RIC3: variants seen among roughly 807,000 people sequenced by gnomAD.
RIC3 encodes protein RIC-3.
In RIC3, 28 loss-of-function variants were observed where a neutral mutation model predicts 27.3. That is an observed-to-expected ratio of 1.02 (90% CI 0.76 to 1.41). RIC3 has a LOEUF of 1.41. Among genes scored for constraint, RIC3 ranks in the 40% most tolerant of loss-of-function variants. RIC3 has a pLI of 0.00. For synonymous variants in RIC3, 184 were observed against 160.4 expected, an observed-to-expected ratio of 1.15 and a Z score of -1.11; for missense variants, 501 against 444.7, an observed-to-expected ratio of 1.13 and a Z score of -1.14.
the RIC3 span, among the ~76,000 whole-genome samples, chr11:8,099,822 G>C: frequency 1.3e-5 from 2 of 152,198 alleles, no homozygotes; most frequent in Admixed American, 6.5e-5. Context: ...AGCAGTGTAC[G>C]TGTCTAGGGG....
At chr11:8,101,717 C>T (rs111814239), downstream of RIC3, 70 of 1,484,818 alleles carry the variant, frequency 4.7e-5, no homozygotes, top group African/African-American at 3.2e-4. Flanking sequence ...ATAGGCCTTC[C>T]GCCAGATGAA....
At chr11:8,154,208 T>C (rs1184382719) in intron 1 of RIC3, among the ~76,000 whole-genome samples, 1 of 152,196 alleles carries the variant, frequency 6.6e-6, no homozygotes, top group Non-Finnish European at 1.5e-5. Flanking sequence ...CTGAAGTCCC[T>C]TGTGTACTTT....
chr11:8,147,536 G>T (rs1239724042), intron 1 of RIC3, among the ~76,000 whole-genome samples: 1 of 152,120 alleles, frequency 6.6e-6, no homozygotes, highest in Non-Finnish European at 1.5e-5. Flanking sequence ...GCAATTTCAA[G>T]ATACGGCAAA....
At position 8,132,418 on chromosome 11, in the gene RIC3, A is replaced by T. The variant is rs866102730; in HGVS notation, c.521+4960T>A. On this transcript the variant is annotated intron_variant, in intron 4 of 5. Coordinates refer to ENST00000309737, the MANE Select transcript of RIC3 (RefSeq NM_001206671.4). ...AAATATGTGTGTGTTGTGGGGGAAGAGAGGACCAAAATCGTAAGGACAGAA... is the reference window on the plus strand; with the variant it reads ...AAATATGTGTGTGTTGTGGGGGAAGTGAGGACCAAAATCGTAAGGACAGAA... 5.3e-5 allele frequency among the ~76,000 whole-genome samples: 8 copies of T among 152,216 alleles called. No homozygotes were observed. In the South Asian group the frequency reaches 1.7e-3, roughly 32 times the overall value.
the RIC3 span, among the ~76,000 whole-genome samples, chr11:8,098,297 A>T: frequency 2.8e-3 from 424 of 152,234 alleles, no homozygotes; most frequent in African/African-American, 9.7e-3. Flanking sequence ...GGAACTGAGT[A>T]CCAGATTTGG....
At chr11:8,141,760 T>G (rs1459012750) in intron 1 of RIC3, among the ~76,000 whole-genome samples, 1 of 152,148 alleles carries the variant, frequency 6.6e-6, no homozygotes, top group Non-Finnish European at 1.5e-5. Context: ...TATTCCAAAA[T>G]TGACCACATA....
chr11:8,105,864 C>CGCAACTTA (rs1280402302), downstream of RIC3: 2 of 152,254 alleles, frequency 1.3e-5, no homozygotes, highest in Non-Finnish European at 2.9e-5. Context: ...TTTCCTAGAA[C>CGCAACTTA]GCAACTTAGG....
rs577071525 is a variant in RIC3, at chr11:8,121,171, A to G, written c.670+5488T>C. Among the ~76,000 whole-genome samples, 104 of 152,352 alleles carry G rather than the reference A, an allele frequency of 6.8e-4. 1 individual carries two copies. The highest frequency in any genetic ancestry group is 3.4e-3 in the Middle Eastern group (1 of 294). On this transcript the variant is annotated intron_variant, in intron 5 of 5. Transcript: ENST00000309737. ...ATGACACTTAAAACAGAAAAGGTTA[A>G]TATCTTTAAAAATTAATATCACTTG...
rs374566630 is a variant in RIC3 at position 8,132,523 on chromosome 11, G to A, written c.521+4855C>T. Among the ~76,000 whole-genome samples the A allele has an allele frequency of 3.9e-5, 6 of 152,224 alleles. No individual in the cohort carries two copies. The East Asian group carries it at 1.2e-3, about 29-fold the overall frequency. The stretch of plus-strand genomic sequence containing the variant: ...GAGTTAAACACTGTGCTTAATATCA[G>A]ACAGAACATGGCACAAGACTGACAT... On this transcript the variant is annotated intron_variant, in intron 4 of 5. Coordinates refer to ENST00000309737, the MANE Select transcript of RIC3 (RefSeq NM_001206671.4).
chr11:8,128,127 C>A, intron 4 of RIC3: 1 of 452,928 alleles, frequency 2.2e-6, no homozygotes, highest in Admixed American at 2.4e-5. Flanking sequence ...TGACTCTCCA[C>A]AACTGCTCGT....
intron 1 of RIC3, among the ~76,000 whole-genome samples, chr11:8,158,641 G>C (rs1269334328): frequency 4.0e-5 from 6 of 150,718 alleles, no homozygotes; most frequent in African/African-American, 1.5e-4. Flanking sequence ...GAAATGAAAG[G>C]AGAACCTCAG....
intron 4 of RIC3, chr11:8,135,614 A>G (rs1316704548): frequency 6.6e-6 from 1 of 152,194 alleles, no homozygotes; most frequent in Non-Finnish European, 1.5e-5. Flanking sequence ...CCTATCCATG[A>G]GCATGGAATG....
At chr11:8,139,752 T>C in intron 2 of RIC3, 2 of 521,216 alleles carry the variant, frequency 3.8e-6, no homozygotes, top group Middle Eastern at 5.1e-4. Context: ...TAGTTGTGAA[T>C]TTTGGGGCAA....
At chr11:8,138,582 G>A (rs1024826018) in intron 2 of RIC3, 6 of 465,098 alleles carry the variant, frequency 1.3e-5, no homozygotes, top group African/African-American at 1.2e-4. Context: ...TCTTCAAAGA[G>A]ACTTTACTCC....
At chr11:8,138,674 C>G in intron 2 of RIC3, 1 of 287,922 alleles carries the variant, frequency 3.5e-6, no homozygotes, top group Non-Finnish European at 6.4e-6. Flanking sequence ...TATCTGCTAG[C>G]CATAATAAAG....
chr11:8,160,442 T>C (rs565744658), intron 1 of RIC3, among the ~76,000 whole-genome samples: 70 of 152,336 alleles, frequency 4.6e-4, no homozygotes, highest in Middle Eastern at 3.4e-3. Context: ...GAATGAAACA[T>C]TGAATGCTCT....
Position 8,138,355 on chromosome 11 carries a change from T to C in RIC3, c.352-8A>G, listed in dbSNP as rs1427970810. On this transcript the variant is annotated splice_region_variant and splice_polypyrimidine_tract_variant and intron_variant, in intron 2 of 5. Coordinates refer to ENST00000309737, the MANE Select transcript of RIC3 (RefSeq NM_001206671.4). ...TGTTTTCCCCTTTGAGAGCTGAGAA[T>C]TGAAGGAGGTATAGCACATCAACAG... is the stretch of plus-strand genomic sequence containing the variant. 2.5e-6 allele frequency: 4 copies of C among 1,592,606 alleles called. No homozygotes were observed. The highest frequency in any genetic ancestry group is 2.6e-6 in the Non-Finnish European group (3 of 1,160,828).
intron 5 of RIC3, among the ~76,000 whole-genome samples, chr11:8,121,251 C>T (rs979913086): frequency 6.6e-6 from 1 of 152,070 alleles, no homozygotes; most frequent in African/African-American, 2.4e-5. Context: ...AGAGGGGGAA[C>T]AACGAAAACT....
the RIC3 span, chr11:8,095,476 C>G: frequency 1.3e-6 from 2 of 1,593,922 alleles, no homozygotes; most frequent in Non-Finnish European, 1.7e-6. Context: ...GGATGTAACT[C>G]AGGCGTGTCC....
Sources: gnomAD v4.1 joint callset for allele counts (sites outside exome capture counted in the v4.1 genomes callset) on GRCh38, gnomAD v4.1.1 for gene constraint, MANE v1.5 for transcripts, NCBI Gene and HGNC (gene_info 2026-07-23, HGNC 2026-07-21) for gene names.